The following CLVS1 variants were observed in gnomAD, a reference collection of about 807,000 sequenced individuals.
CLVS1 encodes the protein clavesin 1.
CLVS1 carries 10 observed loss-of-function variants against 33.1 expected under a neutral mutation model. That is an observed-to-expected ratio of 0.30 (90% CI 0.19 to 0.51). The LOEUF (loss-of-function observed/expected upper bound fraction) is 0.51. CLVS1 is among the 20% of genes least tolerant of loss of function. The pLI is 0.97. For synonymous variants in CLVS1, 163 were observed against 166.1 expected, an observed-to-expected ratio of 0.98 and a Z score of 0.14; for missense variants, 343 against 433.4, an observed-to-expected ratio of 0.79 and a Z score of 1.85.
At chr8:61,142,990 A>G (rs1806337735) in intron 2 of CLVS1, among the ~76,000 whole-genome samples, 1 of 152,210 alleles carries the variant, frequency 6.6e-6, no homozygotes, top group South Asian at 2.1e-4. Flanking sequence ...TTCTTGTTTG[A>G]ATTACCTGAA....
intron 1 of CLVS1, among the ~76,000 whole-genome samples, chr8:61,128,340 T>TG (rs1739529230): frequency 1.3e-5 from 2 of 152,264 alleles, no homozygotes; most frequent in Non-Finnish European, 2.9e-5. Flanking sequence ...ATCATTTGGA[T>TG]GCTTTCAAAT....
intron 5 of CLVS1, among the ~76,000 whole-genome samples, chr8:61,477,814 T>C (rs962295323): frequency 1.3e-5 from 2 of 152,224 alleles, no homozygotes; most frequent in African/African-American, 4.8e-5. Flanking sequence ...TCTGCTCTGA[T>C]CTTAGTTATT....
intron 1 of CLVS1, among the ~76,000 whole-genome samples, chr8:61,103,028 A>G (rs1400566876): frequency 6.6e-6 from 1 of 151,744 alleles, no homozygotes; most frequent in African/African-American, 2.4e-5. Flanking sequence ...CTTTCATTTC[A>G]TTTATGGAAG....
At position 61,209,455 on chromosome 8, in the gene CLVS1, C is replaced by T. The variant is rs144755243; in HGVS notation, c.-152+77595C>T. On this transcript the variant is annotated intron_variant, in intron 2 of 2. Transcript: ENST00000522621. ...TAGTGTGGAGTTGGGCAGGCAAGAC[C>T]ATAAGCACGGTGACCTGCTTAAAGA... 2.3e-3 allele frequency among the ~76,000 whole-genome samples: 347 copies of T among 152,274 alleles called. 1 individual carries two copies. Among genetic ancestry groups the T allele is most frequent in the African/African-American group, 8.2e-3 (341 of 41,554 alleles).
At chr8:60,986,651 G>A in the CLVS1 span, among the ~76,000 whole-genome samples, 14 of 152,310 alleles carry the variant, frequency 9.2e-5, no homozygotes, top group South Asian at 6.2e-4. Flanking sequence ...TACCTGAAGC[G>A]TTCCAAATTT....
intron 2 of CLVS1, among the ~76,000 whole-genome samples, chr8:61,163,824 ACGCAG>A (rs1806798066): frequency 6.6e-6 from 1 of 152,236 alleles, no homozygotes; most frequent in South Asian, 2.1e-4. Flanking sequence ...TGGATCAGAA[ACGCAG>A]CAGACACAGA....
At chr8:61,059,256 G>A (rs1350955217) in intron 1 of CLVS1, among the ~76,000 whole-genome samples, 1 of 151,858 alleles carries the variant, frequency 6.6e-6, no homozygotes, top group Non-Finnish European at 1.5e-5. Context: ...ATGTGTTGTA[G>A]TAGCTTGCAT....
At chr8:61,052,584 C>T (rs1250761758), upstream of CLVS1, among the ~76,000 whole-genome samples, 1 of 151,966 alleles carries the variant, frequency 6.6e-6, no homozygotes, top group East Asian at 1.9e-4. Context: ...GAGGGAATGG[C>T]ACATGCAAAT....
chr8:61,224,996 T>G (rs980086193), intron 2 of CLVS1, among the ~76,000 whole-genome samples: 1 of 152,182 alleles, frequency 6.6e-6, no homozygotes, highest in African/African-American at 2.4e-5. Context: ...CCAAAGTAAT[T>G]TCATAGTTTG....
intron 3 of CLVS1, among the ~76,000 whole-genome samples, chr8:61,401,280 G>A (rs975287238): frequency 4.0e-5 from 6 of 149,894 alleles, no homozygotes; most frequent in Non-Finnish European, 8.9e-5. Flanking sequence ...ATTTTTTCTT[G>A]CTTAAATGCC....
the CLVS1 span, among the ~76,000 whole-genome samples, chr8:60,987,539 C>T: frequency 6.6e-6 from 1 of 152,120 alleles, no homozygotes; most frequent in Non-Finnish European, 1.5e-5. Context: ...CTAAGATTTA[C>T]TTTCTGCTTG....
chr8:61,259,527 TAG>T (rs1296912156), intron 2 of CLVS1, among the ~76,000 whole-genome samples: 1 of 152,190 alleles, frequency 6.6e-6, no homozygotes, highest in African/African-American at 2.4e-5. Flanking sequence ...CAGTCCTGTG[TAG>T]AGTTTGATTA....
At chr8:61,130,279 A>ATG (rs1563414160) in intron 1 of CLVS1, among the ~76,000 whole-genome samples, 47 of 150,210 alleles carry the variant, frequency 3.1e-4, no homozygotes, top group African/African-American at 1.1e-3. Context: ...AAATAAATAT[A>ATG]AAAATAATTT....
intron 2 of CLVS1, among the ~76,000 whole-genome samples, chr8:61,133,924 G>C (rs1240392895): frequency 6.6e-6 from 1 of 152,150 alleles, no homozygotes; most frequent in Non-Finnish European, 1.5e-5. Flanking sequence ...CTAACAACCA[G>C]GGTAAGGTAT....
chr8:61,252,404 G>T (rs532859929), intron 2 of CLVS1, among the ~76,000 whole-genome samples: 1 of 152,256 alleles, frequency 6.6e-6, no homozygotes, highest in East Asian at 1.9e-4. Context: ...TTGATTTGGG[G>T]TGGAGAGTTC....
At chr8:61,046,674 G>C in the CLVS1 span, among the ~76,000 whole-genome samples, 1 of 152,050 alleles carries the variant, frequency 6.6e-6, no homozygotes, top group African/African-American at 2.4e-5. Context: ...TTGAGCAGTG[G>C]TCTGCAGTTC....
chr8:61,057,050 G>A (rs1804483682), upstream of CLVS1: 1 of 152,192 alleles, frequency 6.6e-6, no homozygotes, highest in Admixed American at 6.5e-5. Flanking sequence ...AAATCAGAGG[G>A]TCTGAGGGTG....
At chr8:61,417,538 G>A (rs1254641620) in intron 3 of CLVS1, among the ~76,000 whole-genome samples, 1 of 152,122 alleles carries the variant, frequency 6.6e-6, no homozygotes, top group African/African-American at 2.4e-5. Context: ...ACTGTGGGAT[G>A]TCACCACTAT....
chr8:61,366,213 A>G (rs1388187850), intron 2 of CLVS1, among the ~76,000 whole-genome samples: 2 of 152,158 alleles, frequency 1.3e-5, no homozygotes, highest in Admixed American at 6.5e-5. Flanking sequence ...GCTACATGAA[A>G]TAAACCCTTC....
Sources: allele counts gnomAD v4.1 joint callset (sites outside exome capture counted in the v4.1 genomes callset), GRCh38; gene constraint gnomAD v4.1.1; transcripts MANE v1.5; gene names NCBI Gene and HGNC (gene_info 2026-07-23, HGNC 2026-07-21).